Variants in GFOD1 observed in about 807,000 individuals in gnomAD.
GFOD1 encodes the protein glucose-fructose oxidoreductase domain-containing protein 1.
GFOD1 carries 9 observed loss-of-function variants against 25.4 expected under a neutral mutation model. The ratio of observed to expected loss-of-function variants is 0.35; its 90% CI spans 0.21 to 0.62. The LOEUF (loss-of-function observed/expected upper bound fraction) is 0.62. Among genes scored for constraint, GFOD1 ranks in the 20% least tolerant of loss-of-function variants. GFOD1 has a pLI of 0.72. For missense variants in GFOD1, 403 were observed against 556.9 expected, an observed-to-expected ratio of 0.72 and a Z score of 2.78; for synonymous variants, 253 against 245.6, an observed-to-expected ratio of 1.03 and a Z score of -0.28.
At position 13,487,198 on chromosome 6, in the gene GFOD1, C is replaced by T. The variant is rs1269696761; in HGVS notation, c.-308G>A. On this transcript the variant is annotated 5_prime_UTR_variant, in exon 1 of 2. The change abolishes the stop of an existing upstream ORF in the 5' untranslated region. Transcript: ENST00000379287. This position sits in a 1 kb window ranked among gnomAD's most constrained non-coding sequence, Gnocchi z 4.9. ...TTCGAAGCCCCCTGGAGCCCCGGCT[C>T]AGGCTGCGCTCCCGCGGCAGCGCCA... 6 of 311,254 alleles carry T rather than the reference C, an allele frequency of 1.9e-5. No homozygotes were observed. Among genetic ancestry groups the T allele is most frequent in the Admixed American group, 5.1e-5 (1 of 19,486 alleles). 19.3% of individuals were successfully genotyped at this position (311,254 alleles called of 1,614,324 possible).
chr6:13,372,114 GCTAT>G (rs1169516309), intron 1 of GFOD1, among the ~76,000 whole-genome samples: 1 of 152,200 alleles, frequency 6.6e-6, no homozygotes, highest in African/African-American at 2.4e-5. Flanking sequence ...ATAAAGCGAA[GCTAT>G]CTGTCTTTAA....
intron 1 of GFOD1, among the ~76,000 whole-genome samples, chr6:13,399,782 G>T (rs1785806594): frequency 6.6e-6 from 1 of 152,210 alleles, no homozygotes; most frequent in Non-Finnish European, 1.5e-5. Context: ...CAACTATCCG[G>T]AATGATTGGA....
At chr6:13,481,245 C>T (rs1251238464) in intron 1 of GFOD1, among the ~76,000 whole-genome samples, 1 of 152,194 alleles carries the variant, frequency 6.6e-6, no homozygotes, top group Admixed American at 6.5e-5. Flanking sequence ...CCAGAAAGGC[C>T]TCTCGCCCAA....
At chr6:13,473,485 A>G (rs1330290514) in intron 1 of GFOD1, among the ~76,000 whole-genome samples, 1 of 152,192 alleles carries the variant, frequency 6.6e-6, no homozygotes, top group Non-Finnish European at 1.5e-5. Flanking sequence ...GTTTGCCTTG[A>G]CTGACCCCAG....
At chr6:13,393,817 C>T (rs1258301164) in intron 1 of GFOD1, among the ~76,000 whole-genome samples, 72 of 137,012 alleles carry the variant, frequency 5.3e-4, no homozygotes, top group African/African-American at 1.5e-3. Context: ...TTTCGCTCTG[C>T]CGCCCAGGCT....
chr6:13,466,598 T>C (rs2841555), intron 1 of GFOD1, among the ~76,000 whole-genome samples: 72,656 of 152,020 alleles, frequency 0.48, 20,661 homozygotes, highest in Middle Eastern at 0.65. Context: ...CATGATACAA[T>C]TTCTGACCTG....
At chr6:13,385,094 C>T (rs115533595) in intron 1 of GFOD1, among the ~76,000 whole-genome samples, 1,757 of 152,254 alleles carry the variant, frequency 0.012, 40 homozygotes, top group African/African-American at 0.04. Context: ...ATGAGAGTTG[C>T]AGGCCTGTCT....
chr6:13,390,949 A>G (rs1785592871), intron 1 of GFOD1, among the ~76,000 whole-genome samples: 1 of 152,204 alleles, frequency 6.6e-6, no homozygotes, highest in Admixed American at 6.5e-5. Flanking sequence ...AGCGGTTTTT[A>G]ACCAGCTGCT....
intron 1 of GFOD1, among the ~76,000 whole-genome samples, chr6:13,435,888 C>T (rs1757825437): frequency 6.6e-6 from 1 of 152,122 alleles, no homozygotes; most frequent in Non-Finnish European, 1.5e-5. Flanking sequence ...GAGTGATGGT[C>T]AAAGGAGATT....
At chr6:13,469,888 C>G in intron 1 of GFOD1, 1 of 1,270,668 alleles carries the variant, frequency 7.9e-7, no homozygotes, top group Non-Finnish European at 1.0e-6. Context: ...CACACCAAAT[C>G]TGGCACATGG....
In GFOD1 at chr6:13,365,784, C is replaced by A; in HGVS notation, c.254-122G>T. The A allele has an allele frequency of 1.2e-6, 1 of 803,438 alleles. No individual in the cohort carries two copies. The highest frequency in any genetic ancestry group is 1.9e-6 in the Non-Finnish European group (1 of 519,156). 49.8% of individuals were successfully genotyped at this position (803,438 alleles called of 1,614,324 possible). A position where few individuals can be genotyped will look rare whatever the true frequency, so the allele number is the denominator to read the frequency against. On this transcript the variant is annotated intron_variant, in intron 1 of 1. Transcript: ENST00000379287. The surrounding 1 kb of genome is among the most constrained non-coding windows in gnomAD (Gnocchi z 9.2). ...AGAAGGTCAGATGTGGTGGCTCATGCCTGTTGTCCCAGCACTTTGGGAGGC... is the reference window on the plus strand; with the variant it reads ...AGAAGGTCAGATGTGGTGGCTCATGACTGTTGTCCCAGCACTTTGGGAGGC...
intron 1 of GFOD1, among the ~76,000 whole-genome samples, chr6:13,401,830 A>G (rs1413102286): frequency 6.6e-6 from 1 of 152,194 alleles, no homozygotes; most frequent in African/African-American, 2.4e-5. Flanking sequence ...CTGGTCCTAC[A>G]ATTCACATGA....
At chr6:13,463,519 G>A (rs1584666821) in intron 1 of GFOD1, among the ~76,000 whole-genome samples, 1 of 152,334 alleles carries the variant, frequency 6.6e-6, no homozygotes, top group Admixed American at 6.5e-5. Context: ...GACTGCTCCA[G>A]ATCACAAGCT....
chr6:13,363,992 C>T lies in GFOD1; in HGVS notation c.*751G>A, dbSNP rs950583063. The T allele has an allele frequency of 3.3e-5, 5 of 152,094 alleles. No homozygotes were observed. Among genetic ancestry groups the T allele is most frequent in the Non-Finnish European group, 7.3e-5 (5 of 68,034 alleles). The allele number at this position is 152,094 out of a possible 1,614,324, so 9.4% of individuals were successfully genotyped here. The stretch of plus-strand genomic sequence containing the variant: ...AAAGGGATATTTTATTCTCTGCTGC[C>T]CCTGCTTTGGTGCAGCCTGTGCTCT... On this transcript the variant is annotated 3_prime_UTR_variant, in exon 2 of 2. Coordinates refer to ENST00000379287, the MANE Select transcript of GFOD1 (RefSeq NM_018988.4).
chr6:13,365,949 G>A lies in GFOD1; in HGVS notation c.254-287C>T, dbSNP rs1189138510. Among the ~76,000 whole-genome samples the A allele has an allele frequency of 6.7e-6, 1 of 149,856 alleles. No homozygotes were observed. The highest frequency in any genetic ancestry group is 1.5e-5 in the Non-Finnish European group (1 of 67,632). ...GAGCCGGGCGTGGTGGTGCACGCCTGTGGTCCCAGCTACTCAGGAGGCCGA... is the reference window on the plus strand; with the variant it reads ...GAGCCGGGCGTGGTGGTGCACGCCTATGGTCCCAGCTACTCAGGAGGCCGA... On this transcript the variant is annotated intron_variant, in intron 1 of 1. Coordinates refer to ENST00000379287, the MANE Select transcript of GFOD1 (RefSeq NM_018988.4). This position sits in a 1 kb window ranked among gnomAD's most constrained non-coding sequence, Gnocchi z 9.2.
chr6:13,454,629 C>T (rs962770111), intron 1 of GFOD1, among the ~76,000 whole-genome samples: 1 of 152,220 alleles, frequency 6.6e-6, no homozygotes, highest in Non-Finnish European at 1.5e-5. Context: ...TCAGAATGAG[C>T]AATGCCACCA....
chr6:13,485,947 A>G (rs890186671), intron 1 of GFOD1: 16 of 824,740 alleles, frequency 1.9e-5, no homozygotes, highest in Non-Finnish European at 2.2e-5. Context: ...TTACTAACCT[A>G]TGACGCCTCT....
At position 13,365,982 on chromosome 6, in the gene GFOD1, G is replaced by A. The variant is rs1273539975; in HGVS notation, c.254-320C>T. ...AGCTACTCAGGAGGCCGAAGTGGGAGGATCACTTGAGCCCAGGAGGTTGAG... is the reference window on the plus strand; with the variant it reads ...AGCTACTCAGGAGGCCGAAGTGGGAAGATCACTTGAGCCCAGGAGGTTGAG... On this transcript the variant is annotated intron_variant, in intron 1 of 1. Transcript: ENST00000379287. This position sits in a 1 kb window ranked among gnomAD's most constrained non-coding sequence, Gnocchi z 9.2. 2.0e-5 allele frequency among the ~76,000 whole-genome samples: 3 copies of A among 150,754 alleles called. No homozygotes were observed. The highest frequency in any genetic ancestry group is 4.9e-5 in the African/African-American group (2 of 41,182).
At position 13,359,778 on chromosome 6, in the gene GFOD1, C is replaced by T. The variant is rs1784919900; in HGVS notation, c.*4965G>A. On this transcript the variant is annotated 3_prime_UTR_variant, in exon 2 of 2. Coordinates refer to ENST00000379287, the MANE Select transcript of GFOD1 (RefSeq NM_018988.4). Reference sequence around the variant, plus strand: ...CCTGACCAATATGGGGAAACCTTGTCTCTACTAAAAATACAAAAATTAGCC... The same window carrying T: ...CCTGACCAATATGGGGAAACCTTGTTTCTACTAAAAATACAAAAATTAGCC... 3 of 152,052 alleles carry T rather than the reference C, an allele frequency of 2.0e-5. No homozygotes were observed. Among genetic ancestry groups the T allele is most frequent in the Non-Finnish European group, 4.4e-5 (3 of 68,040 alleles). The allele number at this position is 152,052 out of a possible 1,614,324, so 9.4% of individuals were successfully genotyped here. A position where few individuals can be genotyped will look rare whatever the true frequency, so the allele number is the denominator to read the frequency against.
Sources: allele counts gnomAD v4.1 joint callset (sites outside exome capture counted in the v4.1 genomes callset), GRCh38; gene constraint gnomAD v4.1.1; non-coding constraint Gnocchi (gnomAD v3.1); transcripts MANE v1.5; gene names NCBI Gene and HGNC (gene_info 2026-07-23, HGNC 2026-07-21).